Variants in CTR9 observed in about 807,000 individuals in gnomAD.
CTR9 encodes the protein RNA polymerase-associated protein CTR9 homolog.
CTR9 carries 41 observed loss-of-function variants against 152.1 expected under a neutral mutation model. That is an observed-to-expected ratio of 0.27 (90% CI 0.21 to 0.35). The LOEUF (loss-of-function observed/expected upper bound fraction) is 0.35, where lower values mean the gene tolerates loss of function less well. Ranked by LOEUF, CTR9 falls within the 10% of genes least tolerant of loss-of-function variation. CTR9 has a pLI of 1.00. For missense variants in CTR9, 917 were observed against 1,424.4 expected (o/e 0.64, Z 5.73); for synonymous variants, 476 against 496.2 (o/e 0.96, Z 0.54).
intron 16 of CTR9, among the ~76,000 whole-genome samples, chr11:10,768,733 A>G (rs578014417): frequency 5.9e-5 from 9 of 152,296 alleles, no homozygotes; most frequent in African/African-American, 1.9e-4. Flanking sequence ...CAGTTTTCCT[A>G]TCTATAAAAT....
intron 1 of CTR9, 108 bp downstream of exon 1, chr11:10,751,565 G>A (rs528433025): frequency 1.8e-6 from 2 of 1,096,848 alleles, no homozygotes; most frequent in South Asian, 2.7e-5. Flanking sequence ...TTCCCTAAGA[G>A]CCCTGATCGA....
In CTR9 at chr11:10,773,752, A is replaced by T. The variant is rs959181744; in HGVS notation, c.2728-260A>T. 2.6e-5 allele frequency among the ~76,000 whole-genome samples: 4 copies of T among 151,856 alleles called. No individual in the cohort carries two copies. The East Asian group carries it at 7.7e-4, about 29-fold the overall frequency. The stretch of plus-strand genomic sequence containing the variant: ...GTACAGAAATTAGCCAGGTGTAGTG[A>T]TGCATGCCTGTAGTCCCAGCTACTT... On this transcript the variant is annotated intron_variant, in intron 21 of 24. Transcript: ENST00000361367.
chr11:10,773,248 A>G lies in CTR9; in HGVS notation c.2702A>G (p.Lys901Arg). 1 of 1,612,874 alleles carries G rather than the reference A, an allele frequency of 6.2e-7. No individual in the cohort carries two copies. Among genetic ancestry groups the G allele is most frequent in the Non-Finnish European group, 8.5e-7 (1 of 1,179,732 alleles). Reference protein sequence around the residue: ...FTGETEATKEKKRGGGGGRRS... With the variant: ...FTGETEATKERKRGGGGGRRS... ...GGTGAGACTGAAGCAACAAAAGAGA[A>G]GAAAAGAGGTGGTGGTGGTGGACGG... The change falls in exon 21 of 25, where the codon AAG (lysine) becomes AGG (arginine). Residue 901 changes from lysine (K) to arginine (R), a missense_variant. Transcript: ENST00000361367.
chr11:10,775,180 ACT>A, intron 22 of CTR9, 25 bp from the exon 23 acceptor site: 1 of 1,574,230 alleles, frequency 6.4e-7, no homozygotes, highest in Non-Finnish European at 8.7e-7. Context: ...CTCTTGACAA[ACT>A]CTCTCTTGGT....
At chr11:10,774,410 T>G (rs1460355733) in intron 22 of CTR9, 1 of 327,272 alleles carries the variant, frequency 3.1e-6, no homozygotes, top group African/African-American at 2.1e-5. Context: ...CATAATTGCC[T>G]TTCTTGTGTC....
At chr11:10,760,907 C>T (rs961960350) in intron 6 of CTR9, among the ~76,000 whole-genome samples, 2 of 152,166 alleles carry the variant, frequency 1.3e-5, no homozygotes, top group South Asian at 2.1e-4. Flanking sequence ...TCTCCAGCTT[C>T]TCATTATTAC....
chr11:10,764,950 A>G (rs771363413), intron 12 of CTR9, among the ~76,000 whole-genome samples: 5 of 152,216 alleles, frequency 3.3e-5, no homozygotes, highest in African/African-American at 9.7e-5. Flanking sequence ...CCGTATTTCA[A>G]TGACTAGGTT....
chr11:10,777,862 C>T (rs1030407610), intron 24 of CTR9, among the ~76,000 whole-genome samples: 1 of 152,216 alleles, frequency 6.6e-6, no homozygotes, highest in Admixed American at 6.5e-5. Context: ...ATTGGAATAT[C>T]TGTCATGAAA....
chr11:10,773,967 C>A, intron 21 of CTR9, 45 bp from the exon 22 acceptor site: 1 of 1,427,462 alleles, frequency 7.0e-7, no homozygotes, highest in Non-Finnish European at 9.7e-7. Flanking sequence ...TAACCACATT[C>A]CACCAACCAG....
chr11:10,779,565 G>C lies in CTR9; in HGVS notation c.*460G>C, dbSNP rs1720675158. The C allele has an allele frequency of 6.2e-6, 1 of 161,448 alleles. No homozygotes were observed. Among genetic ancestry groups the C allele is most frequent in the Non-Finnish European group, 1.4e-5 (1 of 73,352 alleles). The allele number at this position is 161,448 out of a possible 1,614,324, so 10.0% of individuals were successfully genotyped here. The stretch of plus-strand genomic sequence containing the variant: ...TTTTCTGAAGGCAGAGATATCTACT[G>C]TATAATTGCACCAAAGTACATTTGA... On this transcript the variant is annotated 3_prime_UTR_variant, in exon 25 of 25. Coordinates refer to ENST00000361367, the MANE Select transcript of CTR9 (RefSeq NM_014633.5).
intron 2 of CTR9, among the ~76,000 whole-genome samples, 186 bp downstream of exon 2, chr11:10,752,956 T>A (rs1286366262): frequency 6.6e-6 from 1 of 152,216 alleles, no homozygotes; most frequent in Non-Finnish European, 1.5e-5. Flanking sequence ...GCTGCTCTAC[T>A]GGTGAATTAG....
intron 16 of CTR9, 113 bp from the exon 17 acceptor site, chr11:10,770,097 A>C: frequency 1.6e-6 from 1 of 626,936 alleles, no homozygotes; most frequent in South Asian, 2.6e-5. Context: ...TAACCATTCA[A>C]AGGGTAAAAC....
At chr11:10,776,971 G>GAAAAAAAAAAA (rs11326865) in intron 24 of CTR9, among the ~76,000 whole-genome samples, 2 of 63,236 alleles carry the variant, frequency 3.2e-5, no homozygotes, top group Non-Finnish European at 2.8e-5. Flanking sequence ...AGACTCTTGT[G>GAAAAAAAAAAA]AAAAAAAAAA....
intron 3 of CTR9, 89 bp downstream of exon 3, chr11:10,755,286 G>A (rs1564964747): frequency 7.0e-6 from 10 of 1,421,198 alleles, no homozygotes; most frequent in Non-Finnish European, 9.5e-6. Flanking sequence ...TTTTGAAAGA[G>A]TTTTTCTTCA....
intron 24 of CTR9, among the ~76,000 whole-genome samples, chr11:10,778,204 C>T (rs748952572): frequency 2.0e-5 from 3 of 152,090 alleles, no homozygotes; most frequent in Admixed American, 6.5e-5. Context: ...CTGTTAGCAC[C>T]GATGGCAATA....
chr11:10,759,435 G>A (rs149491703), intron 5 of CTR9, among the ~76,000 whole-genome samples: 350 of 152,324 alleles, frequency 2.3e-3, no homozygotes, highest in Admixed American at 4.3e-3. Context: ...TGGAATGGTG[G>A]GGTGAGAGCT....
chr11:10,773,319 T>C (rs779683135), intron 21 of CTR9, 46 bp downstream of exon 21: 1 of 1,589,882 alleles, frequency 6.3e-7, no homozygotes, highest in South Asian at 1.2e-5. Context: ...TTCTCTGTCT[T>C]TTGGCTTTGA....
chr11:10,777,478 A>T (rs1052611009), intron 24 of CTR9, among the ~76,000 whole-genome samples: 1 of 152,174 alleles, frequency 6.6e-6, no homozygotes, highest in Non-Finnish European at 1.5e-5. Context: ...TTTTTCCGTA[A>T]AGCACTGTTT....
chr11:10,756,903 G>C (rs1862893506), intron 5 of CTR9, 65 bp downstream of exon 5: 1 of 1,035,154 alleles, frequency 9.7e-7, no homozygotes. Flanking sequence ...TTGAGGATTT[G>C]TCAGTTGCTT....
Sources: gnomAD v4.1 joint callset for allele counts (sites outside exome capture counted in the v4.1 genomes callset) on GRCh38, gnomAD v4.1.1 for gene constraint, MANE v1.5 for transcripts, NCBI Gene and HGNC (gene_info 2026-07-23, HGNC 2026-07-21) for gene names.